HSP90AA1: variants seen among roughly 807,000 people sequenced by gnomAD.
HSP90AA1 encodes heat shock protein HSP 90-alpha.
A neutral mutation model predicts 73.3 loss-of-function variants in HSP90AA1; 18 were observed. That is an observed-to-expected ratio of 0.25 (90% confidence interval 0.17 to 0.36). HSP90AA1 has a LOEUF of 0.36. Among genes scored for constraint, HSP90AA1 ranks in the 10% least tolerant of loss-of-function variants. The probability of loss-of-function intolerance (pLI) is 1.00; values close to 1 mark genes in which losing one functional copy is unlikely to be tolerated. For missense variants in HSP90AA1, 704 were observed against 874.2 expected, an observed-to-expected ratio of 0.81 and a Z score of 2.45; for synonymous variants, 477 against 296.9, an observed-to-expected ratio of 1.61 and a Z score of -6.24.
At chr14:102,085,264 C>CA in intron 4 of HSP90AA1, 34 bp downstream of exon 4, 1 of 1,601,896 alleles carries the variant, frequency 6.2e-7, no homozygotes, top group Non-Finnish European at 8.5e-7. Context: ...CACCTACAGA[C>CA]AGAAATTCAC....
At chr14:102,082,601 G>A (rs1010959306) in intron 9 of HSP90AA1, 157 bp from the exon 10 acceptor site, 23 of 657,508 alleles carry the variant, frequency 3.5e-5, no homozygotes, top group East Asian at 5.4e-5. Context: ...AAGAGCACAG[G>A]TTATAATTTC....
At chr14:102,139,418 A>AG in exon 1 of HSP90AA1, 5 of 1,539,282 alleles carry the variant, frequency 3.2e-6, no homozygotes, top group Non-Finnish European at 4.4e-6. Context: ...CGCTCCCCGT[A>AG]GGGTACCCCG....
chr14:102,097,474 G>C (rs2049440070), intron 2 of HSP90AA1, among the ~76,000 whole-genome samples: 1 of 152,076 alleles, frequency 6.6e-6, no homozygotes, highest in South Asian at 2.1e-4. Flanking sequence ...AGTGGGGGTG[G>C]GTGCAGGCTG....
intron 2 of HSP90AA1, among the ~76,000 whole-genome samples, chr14:102,099,976 C>T (rs1299438286): frequency 3.3e-5 from 5 of 152,046 alleles, no homozygotes; most frequent in South Asian, 2.1e-4. Context: ...AGCTTGAGTC[C>T]GGGAGTTCAA....
intron 1 of HSP90AA1, among the ~76,000 whole-genome samples, chr14:102,120,414 CTT>C (rs1283308262): frequency 6.6e-6 from 1 of 151,976 alleles, no homozygotes; most frequent in African/African-American, 2.4e-5. Flanking sequence ...CATTTAAAGA[CTT>C]TTGTTTGATT....
chr14:102,100,981 G>C (rs2152619205), intron 2 of HSP90AA1, among the ~76,000 whole-genome samples: 1 of 152,270 alleles, frequency 6.6e-6, no homozygotes, highest in Non-Finnish European at 1.5e-5. Flanking sequence ...AAAGCTTCTA[G>C]TCAGTATTTT....
intron 4 of HSP90AA1, 72 bp from the exon 5 acceptor site, chr14:102,085,070 T>G: frequency 6.2e-7 from 1 of 1,610,832 alleles, no homozygotes; most frequent in Non-Finnish European, 8.5e-7. Context: ...ACCACTATTT[T>G]CAACCTAAGG....
chr14:102,115,809 A>G (rs1258442735), intron 1 of HSP90AA1, among the ~76,000 whole-genome samples: 4 of 152,086 alleles, frequency 2.6e-5, no homozygotes, highest in Admixed American at 2.0e-4. Context: ...GGGTCTCCCT[A>G]TGTTGTCTAG....
intron 1 of HSP90AA1, among the ~76,000 whole-genome samples, chr14:102,106,221 A>C (rs1002343317): frequency 1.3e-5 from 2 of 152,186 alleles, no homozygotes; most frequent in Non-Finnish European, 2.9e-5. Flanking sequence ...CAGCTTTCTC[A>C]ATCAATGGTT....
intron 5 of HSP90AA1, 36 bp downstream of exon 5, chr14:102,084,645 C>CT: frequency 6.2e-7 from 1 of 1,614,038 alleles, no homozygotes; most frequent in Non-Finnish European, 8.5e-7. Context: ...AGATGATAAT[C>CT]TAAGGACAAG....
intron 1 of HSP90AA1, among the ~76,000 whole-genome samples, chr14:102,107,544 C>T (rs1372210095): frequency 2.6e-5 from 4 of 151,992 alleles, no homozygotes; most frequent in Non-Finnish European, 4.4e-5. Flanking sequence ...AGGATGGTCT[C>T]GATCTCTTGA....
chr14:102,120,038 TAAA>T (rs1489568841), intron 1 of HSP90AA1, among the ~76,000 whole-genome samples: 1 of 152,162 alleles, frequency 6.6e-6, no homozygotes, highest in Non-Finnish European at 1.5e-5. Flanking sequence ...TAAATCAAGT[TAAA>T]AAGTAATAAT....
chr14:102,093,596 C>A (rs1025356236), intron 2 of HSP90AA1, among the ~76,000 whole-genome samples: 3 of 152,086 alleles, frequency 2.0e-5, no homozygotes, highest in African/African-American at 7.2e-5. Flanking sequence ...TCCTGCCACT[C>A]GCTGGCTGTG....
At chr14:102,102,923 A>C (rs752564532) in intron 1 of HSP90AA1, among the ~76,000 whole-genome samples, 10 of 152,144 alleles carry the variant, frequency 6.6e-5, no homozygotes, top group Non-Finnish European at 1.0e-4. Context: ...TCACACATGT[A>C]ATCCCAGCAC....
intron 8 of HSP90AA1, 109 bp downstream of exon 8, chr14:102,083,437 G>T: frequency 7.1e-7 from 1 of 1,409,114 alleles, no homozygotes; most frequent in Non-Finnish European, 1.0e-6. Context: ...TAATTATCTT[G>T]CCTAGATCAA....
intron 1 of HSP90AA1, among the ~76,000 whole-genome samples, chr14:102,118,748 T>C (rs138181343): frequency 1.3e-5 from 2 of 152,248 alleles, no homozygotes; most frequent in East Asian, 3.9e-4. Context: ...GTGCAACAAC[T>C]ACATGTTTTG....
In HSP90AA1 at chr14:102,132,770, C is replaced by T. The variant is rs2049923890; in HGVS notation, c.155+6480G>A. Among the ~76,000 whole-genome samples, 4 of 151,560 alleles carry T rather than the reference C, an allele frequency of 2.6e-5. No individual in the cohort carries two copies. In the South Asian group the frequency reaches 8.3e-4, roughly 32 times the overall value. On this transcript the variant is annotated intron_variant, in intron 1 of 11. Coordinates refer to the HSP90AA1 transcript ENST00000334701. ...GGTCAGGAGTTCGAGACCAACCTGG[C>T]CAAATGGCAAAGCCCTGTCTCTACT...
intron 2 of HSP90AA1, among the ~76,000 whole-genome samples, chr14:102,101,653 C>T (rs1482847899): frequency 1.3e-5 from 2 of 152,244 alleles, no homozygotes; most frequent in Non-Finnish European, 2.9e-5. Context: ...ATGATTGTCA[C>T]ATGCACTCCA....
intron 1 of HSP90AA1, among the ~76,000 whole-genome samples, chr14:102,086,663 G>C (rs1005224596): frequency 6.6e-6 from 1 of 150,764 alleles, no homozygotes; most frequent in Admixed American, 6.6e-5. Context: ...CTGCGGCTCC[G>C]CCACGGCGGC....
Sources: allele counts gnomAD v4.1 joint callset (sites outside exome capture counted in the v4.1 genomes callset), GRCh38; gene constraint gnomAD v4.1.1; transcripts MANE v1.5; gene names NCBI Gene and HGNC (gene_info 2026-07-23, HGNC 2026-07-21).